The following SLC4A1AP variants were observed in gnomAD, a reference collection of about 807,000 sequenced individuals.
The protein encoded by SLC4A1AP is kanadaptin.
In SLC4A1AP, 64 loss-of-function variants were observed where a neutral mutation model predicts 89.7. The observed-to-expected ratio is 0.71, with a 90% CI of 0.58 to 0.88. The LOEUF is 0.88. Among genes scored for constraint, SLC4A1AP ranks in the 40% least tolerant of loss-of-function variants. The pLI is 0.00. For synonymous variants in SLC4A1AP, 366 were observed against 353.3 expected, an observed-to-expected ratio of 1.04 and a Z score of -0.40; for missense variants, 931 against 965.0, an observed-to-expected ratio of 0.96 and a Z score of 0.47.
At chr2:27,682,201 C>T (rs1469778396) in intron 8 of SLC4A1AP, 47 bp from the exon 9 acceptor site, 22 of 1,270,538 alleles carry the variant, frequency 1.7e-5, no homozygotes, top group African/African-American at 1.5e-5. Context: ...TAGATAAAAC[C>T]TTGGGACTCC....
intron 10 of SLC4A1AP, among the ~76,000 whole-genome samples, chr2:27,686,769 T>G (rs1675710502): frequency 6.6e-6 from 1 of 152,122 alleles, no homozygotes; most frequent in Non-Finnish European, 1.5e-5. Flanking sequence ...GTGAGACTGT[T>G]TCAAAAACAA....
chr2:27,693,843 G>A (rs1675830194), intron 13 of SLC4A1AP, 89 bp downstream of exon 13: 1 of 971,508 alleles, frequency 1.0e-6, no homozygotes, highest in Non-Finnish European at 1.5e-6. Context: ...ACATAAGAAA[G>A]TTACAAGAGT....
At chr2:27,688,122 G>A (rs1675734040) in intron 11 of SLC4A1AP, 102 bp downstream of exon 11, 2 of 883,372 alleles carry the variant, frequency 2.3e-6, no homozygotes, top group Admixed American at 2.4e-5. Flanking sequence ...ACAGAGAATG[G>A]TCCTTTAGTT....
At chr2:27,669,760 G>A (rs1022933518) in intron 5 of SLC4A1AP, among the ~76,000 whole-genome samples, 17 of 151,958 alleles carry the variant, frequency 1.1e-4, no homozygotes, top group Non-Finnish European at 2.1e-4. Context: ...GCATGATCTC[G>A]GCTCACTGCA....
At chr2:27,667,295 A>C (rs377720552) in exon 3 of SLC4A1AP, 29 of 1,613,516 alleles carry the variant, frequency 1.8e-5, no homozygotes, top group Non-Finnish European at 2.3e-5. Flanking sequence ...GATGATGCTG[A>C]AGAGAACCCT....
chr2:27,689,195 C>T (rs921927356), intron 12 of SLC4A1AP, among the ~76,000 whole-genome samples: 1 of 151,998 alleles, frequency 6.6e-6, no homozygotes. Flanking sequence ...ATATGGAGGA[C>T]GTTATCTAAC....
At chr2:27,667,733 C>T (rs1049438438) in intron 3 of SLC4A1AP, among the ~76,000 whole-genome samples, 25 of 151,984 alleles carry the variant, frequency 1.6e-4, no homozygotes, top group Admixed American at 4.6e-4. Flanking sequence ...TCCGAATTCA[C>T]CTGATCTTTT....
chr2:27,670,461 G>A (rs1241704089), intron 5 of SLC4A1AP, among the ~76,000 whole-genome samples: 1 of 151,822 alleles, frequency 6.6e-6, no homozygotes, highest in African/African-American at 2.4e-5. Flanking sequence ...ACTACCAAAA[G>A]GCTTATAATA....
intron 9 of SLC4A1AP, 98 bp from the exon 10 acceptor site, chr2:27,684,939 G>A: frequency 1.4e-6 from 2 of 1,400,324 alleles, no homozygotes; most frequent in Non-Finnish European, 9.7e-7. Context: ...CCTAAAAAGA[G>A]TAAACATTCA....
rs1374151116 is a variant in SLC4A1AP at position 27,693,770 on chromosome 2, T to C, written c.2341+16T>C. ...CCACCTGAAGGTAGATTGTTTTTACTTTTTTTTCCTCTAAGGTTCATTTAT... is the reference window on the plus strand; with the variant it reads ...CCACCTGAAGGTAGATTGTTTTTACCTTTTTTTCCTCTAAGGTTCATTTAT... On this transcript the variant is annotated intron_variant, in intron 13 of 13. Transcript: ENST00000613058. 1.9e-6 allele frequency: 3 copies of C among 1,572,026 alleles called. No individual in the cohort carries two copies. The Admixed American group carries it at 5.3e-5, about 28-fold the overall frequency.
intron 3 of SLC4A1AP, chr2:27,668,530 A>G (rs1324731771): frequency 2.0e-6 from 1 of 504,370 alleles, no homozygotes; most frequent in Non-Finnish European, 3.8e-6. Context: ...GCTCACTGCA[A>G]CCTTGACCTC....
chr2:27,684,411 G>C (rs1675671495), intron 9 of SLC4A1AP, among the ~76,000 whole-genome samples: 1 of 146,764 alleles, frequency 6.8e-6, no homozygotes, highest in Non-Finnish European at 1.5e-5. Context: ...TTGGGCCACA[G>C]AGCAAGACTC....
chr2:27,689,456 A>T (rs553170470), intron 12 of SLC4A1AP, among the ~76,000 whole-genome samples: 1 of 152,266 alleles, frequency 6.6e-6, no homozygotes, highest in South Asian at 2.1e-4. Context: ...CAGCAAAGGG[A>T]GAAGGAACAT....
At chr2:27,667,473 T>C in intron 3 of SLC4A1AP, 83 bp downstream of exon 3, 1 of 1,243,962 alleles carries the variant, frequency 8.0e-7, no homozygotes, top group Admixed American at 2.6e-5. Context: ...AGCTTTATAC[T>C]AAGATATGCT....
Position 27,665,392 on chromosome 2 carries a change from C to T in SLC4A1AP, c.1021+97C>T, listed in dbSNP as rs777400237. The T allele has an allele frequency of 5.6e-5, 59 of 1,044,458 alleles. No individual in the cohort carries two copies. In the South Asian group the frequency reaches 9.8e-4, roughly 17 times the overall value. The allele number at this position is 1,044,458 out of a possible 1,614,324, so 64.7% of individuals were successfully genotyped here. A position where few individuals can be genotyped will look rare whatever the true frequency, so the allele number is the denominator to read the frequency against. ...TTAAATCATACAGCTTTTCATGGCT[C>T]CTTGAGATAGATAGGGCAAACACAA... On this transcript the variant is annotated intron_variant, in intron 2 of 13. Coordinates refer to ENST00000613058, the Ensembl canonical transcript of SLC4A1AP.
chr2:27,668,619 T>C (rs1448977867), intron 3 of SLC4A1AP: 1 of 678,610 alleles, frequency 1.5e-6, no homozygotes, highest in Admixed American at 2.0e-5. Context: ...CCGGCTAATT[T>C]CTGTATTTTT....
intron 13 of SLC4A1AP, 121 bp downstream of exon 13, chr2:27,693,875 C>T (rs1675830591): frequency 1.6e-6 from 1 of 629,200 alleles, no homozygotes; most frequent in Admixed American, 3.7e-5. Context: ...ATTTGTATAC[C>T]ATGTTTGGAT....
At chr2:27,683,926 A>G (rs1426640705) in intron 9 of SLC4A1AP, among the ~76,000 whole-genome samples, 1 of 151,802 alleles carries the variant, frequency 6.6e-6, no homozygotes, top group Non-Finnish European at 1.5e-5. Flanking sequence ...TTTTTAGTAG[A>G]GACAGTTTTT....
intron 2 of SLC4A1AP, among the ~76,000 whole-genome samples, chr2:27,666,004 A>G (rs1488884513): frequency 6.6e-6 from 1 of 152,240 alleles, no homozygotes; most frequent in African/African-American, 2.4e-5. Context: ...CACTAGCCAC[A>G]TGTGGTTACT....
Sources: gnomAD v4.1 joint callset for allele counts (sites outside exome capture counted in the v4.1 genomes callset) on GRCh38, gnomAD v4.1.1 for gene constraint, MANE v1.5 for transcripts, NCBI Gene and HGNC (gene_info 2026-07-23, HGNC 2026-07-21) for gene names.